LCLAT1: variants seen among roughly 807,000 people sequenced by gnomAD.
The protein encoded by LCLAT1 is 1-AGP acyltransferase 8.
LCLAT1 carries 11 observed loss-of-function variants against 30.7 expected under a neutral mutation model. The observed-to-expected ratio is 0.36, with a 90% CI of 0.23 to 0.59. The LOEUF (loss-of-function observed/expected upper bound fraction) is 0.59. LCLAT1 is among the 20% of genes least tolerant of loss of function. The probability of loss-of-function intolerance (pLI) is 0.77; values close to 1 mark genes in which losing one functional copy is unlikely to be tolerated. For missense variants in LCLAT1, 402 were observed against 458.6 expected, an observed-to-expected ratio of 0.88 and a Z score of 1.13; for synonymous variants, 155 against 151.3, an observed-to-expected ratio of 1.02 and a Z score of -0.18.
chr2:30,465,070 T>C (rs998661673), intron 1 of LCLAT1, among the ~76,000 whole-genome samples: 3 of 152,136 alleles, frequency 2.0e-5, no homozygotes, highest in African/African-American at 7.2e-5. Context: ...CTCTAAAATA[T>C]TCAAGTCCTA....
intron 5 of LCLAT1, among the ~76,000 whole-genome samples, chr2:30,614,881 G>A (rs1236787101): frequency 6.6e-5 from 10 of 152,132 alleles, no homozygotes; most frequent in Admixed American, 3.9e-4. Flanking sequence ...CTTCAGAGTG[G>A]CCTGTGAAGT....
chr2:30,558,782 C>G (rs143419946), intron 3 of LCLAT1, among the ~76,000 whole-genome samples: 1 of 152,088 alleles, frequency 6.6e-6, no homozygotes, highest in African/African-American at 2.4e-5. Context: ...GGTATAATCA[C>G]TTTGAAGAAC....
At chr2:30,462,223 A>G in intron 1 of LCLAT1, among the ~76,000 whole-genome samples, 1 of 152,212 alleles carries the variant, frequency 6.6e-6, no homozygotes, top group Non-Finnish European at 1.5e-5. Context: ...TTTATATACA[A>G]CAAAAGAAAA....
At chr2:30,565,275 C>G (rs776140487) in intron 4 of LCLAT1, among the ~76,000 whole-genome samples, 23 of 151,834 alleles carry the variant, frequency 1.5e-4, no homozygotes, top group Non-Finnish European at 3.2e-4. Context: ...AGTTCAAGGC[C>G]AAAGGCAGTC....
intron 5 of LCLAT1, among the ~76,000 whole-genome samples, chr2:30,572,641 T>C (rs1236350300): frequency 6.6e-6 from 1 of 152,154 alleles, no homozygotes; most frequent in African/African-American, 2.4e-5. Context: ...TTGATTCCAG[T>C]GCTCATGTTC....
intron 1 of LCLAT1, among the ~76,000 whole-genome samples, chr2:30,491,469 G>T (rs1422789898): frequency 5.9e-5 from 9 of 152,128 alleles, no homozygotes; most frequent in Admixed American, 4.6e-4. Context: ...GTTAGACAGG[G>T]TCTGTATAGT....
At chr2:30,601,741 G>T (rs114506941) in intron 5 of LCLAT1, among the ~76,000 whole-genome samples, 2,311 of 152,040 alleles carry the variant, frequency 0.015, 53 homozygotes, top group African/African-American at 0.053. Context: ...TGCAATGCCA[G>T]AGATACACCA....
At chr2:30,464,803 A>G (rs1030060098) in intron 1 of LCLAT1, among the ~76,000 whole-genome samples, 1 of 152,230 alleles carries the variant, frequency 6.6e-6, no homozygotes, top group African/African-American at 2.4e-5. Context: ...TCTGGAGACT[A>G]GGATAGTATC....
intron 1 of LCLAT1, among the ~76,000 whole-genome samples, chr2:30,454,511 C>G (rs1466228008): frequency 1.3e-5 from 2 of 152,072 alleles, no homozygotes; most frequent in Non-Finnish European, 2.9e-5. Flanking sequence ...ATTGCAGTAG[C>G]CTGATCACAG....
intron 1 of LCLAT1, among the ~76,000 whole-genome samples, chr2:30,473,847 C>T (rs1682917638): frequency 1.3e-5 from 2 of 152,128 alleles, no homozygotes; most frequent in East Asian, 1.9e-4. Flanking sequence ...TTATGCAGTG[C>T]TAATTTATAC....
intron 1 of LCLAT1, among the ~76,000 whole-genome samples, chr2:30,458,609 G>A (rs1681948607): frequency 6.6e-6 from 1 of 152,174 alleles, no homozygotes; most frequent in South Asian, 2.1e-4. Context: ...AGTATTTATT[G>A]TTTTACTTAA....
chr2:30,513,278 A>G (rs1441493824), intron 1 of LCLAT1, among the ~76,000 whole-genome samples: 1 of 151,742 alleles, frequency 6.6e-6, no homozygotes, highest in East Asian at 1.9e-4. Flanking sequence ...ACTGTTTGCT[A>G]CATTTAACTA....
At chr2:30,477,701 G>C (rs1323361208) in intron 1 of LCLAT1, among the ~76,000 whole-genome samples, 1 of 152,156 alleles carries the variant, frequency 6.6e-6, no homozygotes, top group African/African-American at 2.4e-5. Context: ...AGGAATGTGA[G>C]AAGAAATTAA....
chr2:30,614,647 A>G (rs1025709954), intron 5 of LCLAT1, among the ~76,000 whole-genome samples: 1 of 152,214 alleles, frequency 6.6e-6, no homozygotes, highest in Non-Finnish European at 1.5e-5. Flanking sequence ...TACTTATTAG[A>G]TATCCATAGG....
chr2:30,546,511 G>A (rs1389610894), intron 3 of LCLAT1, among the ~76,000 whole-genome samples: 1 of 152,086 alleles, frequency 6.6e-6, no homozygotes, highest in Non-Finnish European at 1.5e-5. Flanking sequence ...CAGTGATATG[G>A]GAATTGGAAA....
chr2:30,521,175 T>C (rs1252587509), intron 1 of LCLAT1, among the ~76,000 whole-genome samples: 1 of 152,158 alleles, frequency 6.6e-6, no homozygotes, highest in Admixed American at 6.5e-5. Context: ...GCCAGGGCAA[T>C]GTCAAGAAGT....
chr2:30,480,433 A>G (rs1473286972), intron 1 of LCLAT1, among the ~76,000 whole-genome samples: 2 of 152,110 alleles, frequency 1.3e-5, no homozygotes, highest in Admixed American at 6.5e-5. Context: ...GAGTTCAAGT[A>G]ATCTACCTGC....
At chr2:30,633,960 C>T (rs966167094) in intron 5 of LCLAT1, among the ~76,000 whole-genome samples, 2 of 152,204 alleles carry the variant, frequency 1.3e-5, no homozygotes, top group African/African-American at 2.4e-5. Context: ...CTCCCATTCT[C>T]AGTGAGCTGG....
chr2:30,588,571 T>TTTG (rs1000284289), intron 5 of LCLAT1, among the ~76,000 whole-genome samples: 11 of 152,092 alleles, frequency 7.2e-5, no homozygotes, highest in African/African-American at 2.2e-4. Flanking sequence ...TTTTGTTATT[T>TTTG]TTGTTGTTGT....
Sources: gnomAD v4.1 joint callset for allele counts (sites outside exome capture counted in the v4.1 genomes callset) on GRCh38, gnomAD v4.1.1 for gene constraint, MANE v1.5 for transcripts, NCBI Gene and HGNC (gene_info 2026-07-23, HGNC 2026-07-21) for gene names.